The following RELL1 variants were observed in gnomAD, a reference collection of about 807,000 sequenced individuals.
The protein encoded by RELL1 is RELT like 1, also known as RELT-like protein 1.
In RELL1, 10 loss-of-function variants were observed where a neutral mutation model predicts 23.0. The observed-to-expected ratio is 0.43, with a 90% CI of 0.27 to 0.74. RELL1 has a LOEUF of 0.74. RELL1 is among the 30% of genes least tolerant of loss of function. The pLI is 0.19. For missense variants in RELL1, 315 were observed against 364.4 expected, an observed-to-expected ratio of 0.86 and a Z score of 1.10; for synonymous variants, 146 against 146.8, an observed-to-expected ratio of 0.99 and a Z score of 0.04.
chr4:37,625,521 C>A (rs772173172), intron 6 of RELL1, among the ~76,000 whole-genome samples: 1 of 151,970 alleles, frequency 6.6e-6, no homozygotes, highest in Admixed American at 6.6e-5. Flanking sequence ...AGCAAGAAAA[C>A]AAATAACCCA....
chr4:37,603,219 A>G (rs901092621), intron 6 of RELL1, among the ~76,000 whole-genome samples: 1 of 152,074 alleles, frequency 6.6e-6, no homozygotes, highest in East Asian at 1.9e-4. Context: ...CTGTGGGAGG[A>G]CCTGCAGAGC....
chr4:37,649,869 A>G (rs566012827), intron 1 of RELL1, among the ~76,000 whole-genome samples: 2 of 152,374 alleles, frequency 1.3e-5, no homozygotes, highest in East Asian at 3.9e-4. Flanking sequence ...TACATGTAAC[A>G]TTACAAATAT....
At chr4:37,588,923 C>A, downstream of RELL1, 1 of 1,591,138 alleles carries the variant, frequency 6.3e-7, no homozygotes, top group Non-Finnish European at 8.6e-7. Context: ...AATACTACTT[C>A]TAAATGGAGG....
At chr4:37,600,023 A>T (rs1456058208) in intron 6 of RELL1, among the ~76,000 whole-genome samples, 1 of 152,102 alleles carries the variant, frequency 6.6e-6, no homozygotes, top group Non-Finnish European at 1.5e-5. Flanking sequence ...TAAACCCAGC[A>T]CTCCGGGAGG....
At chr4:37,671,997 C>G (rs771260341) in intron 1 of RELL1, among the ~76,000 whole-genome samples, 5 of 152,086 alleles carry the variant, frequency 3.3e-5, no homozygotes, top group Non-Finnish European at 7.4e-5. Context: ...GGTTGGGGAG[C>G]AGGCACGAAA....
chr4:37,681,138 C>G (rs1379550740), intron 1 of RELL1, among the ~76,000 whole-genome samples: 2 of 152,106 alleles, frequency 1.3e-5, no homozygotes, highest in Non-Finnish European at 2.9e-5. Context: ...GGCTACTTAA[C>G]TCCTATGCAA....
intron 1 of RELL1, among the ~76,000 whole-genome samples, chr4:37,659,932 G>A (rs543864312): frequency 8.5e-5 from 13 of 152,244 alleles, no homozygotes; most frequent in Admixed American, 5.9e-4. Flanking sequence ...TCCTTACCAG[G>A]AAAGGGTGCG....
chr4:37,607,938 A>AGGG (rs1202833244), downstream of RELL1, among the ~76,000 whole-genome samples: 43 of 152,304 alleles, frequency 2.8e-4, no homozygotes, highest in African/African-American at 1.0e-3. Context: ...CCTGTGTCAC[A>AGGG]TATGGGTAAT....
intron 3 of RELL1, among the ~76,000 whole-genome samples, chr4:37,644,662 G>A (rs55872624): frequency 0.15 from 22,691 of 151,482 alleles, 1,840 homozygotes; most frequent in African/African-American, 0.17. Context: ...GTTTCACCAC[G>A]TTGGCCAGGC....
Position 37,612,865 on chromosome 4 carries a change from GTATGTA to G in RELL1, c.*475_*480del, listed in dbSNP as rs1430291763. The G allele has an allele frequency of 6.6e-6, 1 of 152,112 alleles. No homozygotes were observed. Among genetic ancestry groups the G allele is most frequent in the African/African-American group, 2.4e-5 (1 of 41,388 alleles). 9.4% of individuals were successfully genotyped at this position (152,112 alleles called of 1,614,324 possible). On this transcript the variant is annotated 3_prime_UTR_variant, in exon 7 of 7. Transcript: ENST00000454158. ...TTTTATCTTTTGTAACAGCTAACCT[GTATGTA>G]TCAAGATCTTCTTACAACCAGTGTC...
chr4:37,605,854 AAAG>A (rs199602111), downstream of RELL1, among the ~76,000 whole-genome samples: 2,872 of 148,072 alleles, frequency 0.019, 78 homozygotes, highest in Non-Finnish European at 0.034. Flanking sequence ...AAGGAAAAGA[AAAG>A]AAAAGAAAGA....
chr4:37,595,927 A>G (rs954082191), intron 6 of RELL1, among the ~76,000 whole-genome samples: 3 of 152,132 alleles, frequency 2.0e-5, no homozygotes, highest in African/African-American at 7.2e-5. Flanking sequence ...GAAGAGAAGG[A>G]AAAAAAGGGT....
intron 1 of RELL1, among the ~76,000 whole-genome samples, chr4:37,685,670 TGACCTGTTACAAGAATCCATCA>T (rs1178726608): frequency 2.6e-5 from 4 of 152,202 alleles, no homozygotes; most frequent in Non-Finnish European, 5.9e-5. Context: ...GTGGACTCCT[TGACCTGTTACAAGAATCCATCA>T]ACCACCCAAA....
chr4:37,663,600 C>T (rs376484159), intron 1 of RELL1, among the ~76,000 whole-genome samples: 24 of 152,268 alleles, frequency 1.6e-4, no homozygotes, highest in African/African-American at 5.8e-4. Flanking sequence ...TCCCTCGCAG[C>T]ATCTGTAAGG....
At chr4:37,624,068 A>T (rs1428229745) in intron 6 of RELL1, among the ~76,000 whole-genome samples, 1 of 152,210 alleles carries the variant, frequency 6.6e-6, no homozygotes, top group African/African-American at 2.4e-5. Flanking sequence ...AGCTTCTACT[A>T]TAATTCCTGC....
intron 3 of RELL1, among the ~76,000 whole-genome samples, chr4:37,643,082 G>A (rs1345332823): frequency 2.6e-5 from 4 of 152,238 alleles, no homozygotes; most frequent in Admixed American, 2.0e-4. Flanking sequence ...TAGGTCAGAA[G>A]TACCAGAGCC....
At chr4:37,594,101 G>A (rs1718743674) in intron 6 of RELL1, among the ~76,000 whole-genome samples, 1 of 152,196 alleles carries the variant, frequency 6.6e-6, no homozygotes, top group African/African-American at 2.4e-5. Flanking sequence ...AAGGTCGACA[G>A]ATGGCCAATA....
chr4:37,612,155 C>T lies in RELL1; in HGVS notation c.*1191G>A, dbSNP rs1233949861. ...TCGTGCCACTGCACTCCAGCCTGGG[C>T]GACAGAGCGAGACTCCGCCTCAAAA... On this transcript the variant is annotated 3_prime_UTR_variant, in exon 7 of 7. Coordinates refer to ENST00000454158, the MANE Select transcript of RELL1 (RefSeq NM_001085400.2). 2.6e-4 allele frequency among the ~76,000 whole-genome samples: 28 copies of T among 106,138 alleles called. No individual in the cohort carries two copies. The highest frequency in any genetic ancestry group is 9.0e-4 in the African/African-American group (24 of 26,596). 69.6% of individuals were successfully genotyped at this position (106,138 alleles called of 152,430 possible).
intron 3 of RELL1, among the ~76,000 whole-genome samples, chr4:37,645,236 C>T (rs1184081312): frequency 2.6e-5 from 4 of 152,172 alleles, no homozygotes; most frequent in Non-Finnish European, 5.9e-5. Context: ...GTCCCAAAGG[C>T]CTGCAAGCTC....
Sources: allele counts gnomAD v4.1 joint callset (sites outside exome capture counted in the v4.1 genomes callset), GRCh38; gene constraint gnomAD v4.1.1; transcripts MANE v1.5; gene names NCBI Gene and HGNC (gene_info 2026-07-23, HGNC 2026-07-21).